Variants in PLA2R1 observed in about 807,000 individuals in gnomAD.
PLA2R1 encodes phospholipase A2 receptor 1.
PLA2R1 carries 158 observed loss-of-function variants against 195.9 expected under a neutral mutation model. The observed-to-expected ratio is 0.81, with a 90% CI of 0.71 to 0.92. PLA2R1 has a LOEUF of 0.92. Among genes scored for constraint, PLA2R1 ranks in the 40% least tolerant of loss-of-function variants. PLA2R1 has a pLI of 0.00. For synonymous variants in PLA2R1, 586 were observed against 598.2 expected, an observed-to-expected ratio of 0.98 and a Z score of 0.30; for missense variants, 1,626 against 1,764.6, an observed-to-expected ratio of 0.92 and a Z score of 1.41.
At chr2:159,945,142 C>G in intron 27 of PLA2R1, 60 bp from the exon 28 acceptor site, 1 of 1,059,780 alleles carries the variant, frequency 9.4e-7, no homozygotes, top group Admixed American at 3.4e-5. Flanking sequence ...CATACTAAGA[C>G]TGGAATTAAC....
intron 23 of PLA2R1, among the ~76,000 whole-genome samples, chr2:159,954,340 GT>G (rs1687950504): frequency 6.6e-6 from 1 of 151,682 alleles, no homozygotes; most frequent in South Asian, 2.1e-4. Context: ...TACTCTTGCT[GT>G]TACAGATCTA....
At chr2:160,057,180 C>G (rs867811609) in intron 1 of PLA2R1, among the ~76,000 whole-genome samples, 1 of 152,154 alleles carries the variant, frequency 6.6e-6, no homozygotes, top group Non-Finnish European at 1.5e-5. Context: ...GAGGAAAGTC[C>G]TACTAGTCAA....
chr2:159,955,278 A>T lies in PLA2R1; in HGVS notation c.3222T>A (p.Pro1074=). 13 of 1,607,574 alleles carry T rather than the reference A, an allele frequency of 8.1e-6. No homozygotes were observed. The highest frequency in any genetic ancestry group is 1.0e-5 in the Non-Finnish European group (12 of 1,174,402). The part of the protein sequence containing the change: ...IPLCALLSSN[P]NFHFTGKWYF... ...ACCATTTTCCAGTGAAATGAAAATTAGGATTACTTGAGAGTAAGGCACAGA... is the reference window on the plus strand; with the variant it reads ...ACCATTTTCCAGTGAAATGAAAATTTGGATTACTTGAGAGTAAGGCACAGA... Residue 1074 remains proline, a synonymous_variant, in exon 23 of 30, where the codon CCT becomes CCA. Coordinates refer to ENST00000283243, the MANE Select transcript of PLA2R1 (RefSeq NM_007366.5).
chr2:159,973,947 T>G (rs1344458261), intron 17 of PLA2R1, among the ~76,000 whole-genome samples: 1 of 151,650 alleles, frequency 6.6e-6, no homozygotes, highest in African/African-American at 2.4e-5. Context: ...CTCAAACTGC[T>G]CAGCCTGTGG....
In PLA2R1 at chr2:159,987,186, C is replaced by T; in HGVS notation, c.2007G>A (p.Glu669=). 2 of 1,614,054 alleles carry T rather than the reference C, an allele frequency of 1.2e-6. No homozygotes were observed. Among genetic ancestry groups the T allele is most frequent in the Non-Finnish European group, 1.7e-6 (2 of 1,179,922 alleles). Reference sequence around the variant, plus strand: ...AGCAACTGGCCAGACCAGGCTCTGACTCCCAGTCCAAATAGCAGGGGTGAA... The same window carrying T: ...AGCAACTGGCCAGACCAGGCTCTGATTCCCAGTCCAAATAGCAGGGGTGAA... ...WPFHPCYLDW[E]SEPGLASCFK... Residue 669 remains glutamate (E), a synonymous_variant, in exon 12 of 30, where the codon GAG becomes GAA. Coordinates refer to ENST00000283243, the MANE Select transcript of PLA2R1 (RefSeq NM_007366.5).
At chr2:159,948,642 CA>C (rs56329076) in intron 25 of PLA2R1, among the ~76,000 whole-genome samples, 4,756 of 95,898 alleles carry the variant, frequency 0.05, 144 homozygotes, top group African/African-American at 0.17. Context: ...CAAGTGCTAA[CA>C]AAAAAAAAAA....
intron 4 of PLA2R1, among the ~76,000 whole-genome samples, chr2:160,029,937 T>G (rs1693758523): frequency 6.6e-6 from 1 of 152,230 alleles, no homozygotes; most frequent in South Asian, 2.1e-4. Context: ...GGGTCCTGCC[T>G]AAGATTAAGA....
chr2:159,952,712 C>T (rs3792161), intron 23 of PLA2R1, among the ~76,000 whole-genome samples: 27,067 of 152,056 alleles, frequency 0.18, 2,789 homozygotes, highest in Middle Eastern at 0.42. Context: ...TGGAATTGAA[C>T]GAGATATCCA....
At chr2:160,043,809 GCT>G (rs1051461512) in intron 2 of PLA2R1, among the ~76,000 whole-genome samples, 5 of 152,190 alleles carry the variant, frequency 3.3e-5, no homozygotes, top group African/African-American at 1.2e-4. Context: ...CTGGCCCTTG[GCT>G]CTGTCTCTTT....
At chr2:160,019,684 C>T (rs184877531) in intron 8 of PLA2R1, among the ~76,000 whole-genome samples, 22 of 152,324 alleles carry the variant, frequency 1.4e-4, no homozygotes, top group Non-Finnish European at 2.1e-4. Context: ...CCATCTCTTA[C>T]GACCTCCTCA....
chr2:160,038,008 G>C (rs932804927), intron 3 of PLA2R1, among the ~76,000 whole-genome samples: 1 of 152,176 alleles, frequency 6.6e-6, no homozygotes, highest in Non-Finnish European at 1.5e-5. Context: ...CATAGTAGGT[G>C]TTCAATACAT....
intron 1 of PLA2R1, among the ~76,000 whole-genome samples, chr2:160,060,423 C>G (rs916105944): frequency 8.5e-5 from 13 of 152,198 alleles, no homozygotes; most frequent in African/African-American, 2.7e-4. Context: ...AACTTGACTT[C>G]AAACCTGTCC....
intron 6 of PLA2R1, among the ~76,000 whole-genome samples, chr2:160,026,732 T>C (rs1477859937): frequency 6.6e-6 from 1 of 152,244 alleles, no homozygotes; most frequent in Non-Finnish European, 1.5e-5. Flanking sequence ...AAATTGTTTC[T>C]AGGACTCTGG....
intron 3 of PLA2R1, among the ~76,000 whole-genome samples, chr2:160,033,921 C>T (rs1416110289): frequency 3.9e-5 from 6 of 152,194 alleles, no homozygotes; most frequent in Non-Finnish European, 8.8e-5. Context: ...GTGAGCCATA[C>T]TGCAGCATGA....
chr2:159,984,041 T>C lies in PLA2R1; in HGVS notation c.2070A>G (p.Arg690=). Residue 690 remains arginine (R), a synonymous_variant, in exon 13 of 30, where the codon AGA becomes AGG. Coordinates refer to ENST00000283243, the MANE Select transcript of PLA2R1 (RefSeq NM_007366.5). ...AAAATGCTTCAGCTTCTCTCCATGTTCTTTTCATCAGAACTTTTTCACTAT... is the reference window on the plus strand; with the variant it reads ...AAAATGCTTCAGCTTCTCTCCATGTCCTTTTCATCAGAACTTTTTCACTAT... ...VFHSEKVLMK[R]TWREAEAFCE... 6.3e-7 allele frequency: 1 copy of C among 1,581,624 alleles called. No individual in the cohort carries two copies. Among genetic ancestry groups the C allele is most frequent in the Non-Finnish European group, 8.7e-7 (1 of 1,152,490 alleles).
chr2:160,042,750 C>A (rs963179553), intron 2 of PLA2R1, among the ~76,000 whole-genome samples: 2 of 150,126 alleles, frequency 1.3e-5, no homozygotes, highest in South Asian at 2.1e-4. Context: ...GGTAGCGGTG[C>A]CATGATGAAA....
chr2:159,997,809 C>T (rs937495546), intron 11 of PLA2R1, among the ~76,000 whole-genome samples: 5 of 152,094 alleles, frequency 3.3e-5, no homozygotes, highest in African/African-American at 1.2e-4. Flanking sequence ...TGCGATGGAT[C>T]TAAGAAGAGT....
At chr2:160,006,171 C>T (rs891055773) in intron 10 of PLA2R1, among the ~76,000 whole-genome samples, 53 of 152,280 alleles carry the variant, frequency 3.5e-4, no homozygotes, top group African/African-American at 1.2e-3. Flanking sequence ...AATTAGGCCA[C>T]ACACCACACA....
chr2:160,012,058 A>C (rs575412181), intron 10 of PLA2R1, among the ~76,000 whole-genome samples: 1 of 152,262 alleles, frequency 6.6e-6, no homozygotes, highest in South Asian at 2.1e-4. Flanking sequence ...GGAAGGACAT[A>C]CTGGCAGCTT....
Sources: allele counts gnomAD v4.1 joint callset (sites outside exome capture counted in the v4.1 genomes callset), GRCh38; gene constraint gnomAD v4.1.1; transcripts MANE v1.5; gene names NCBI Gene and HGNC (gene_info 2026-07-23, HGNC 2026-07-21).